The following RAB23 variants were observed in gnomAD, a reference collection of about 807,000 sequenced individuals.
RAB23 encodes the protein RAB23, member RAS oncogene family.
In RAB23, 15 loss-of-function variants were observed where a neutral mutation model predicts 30.0. The ratio of observed to expected loss-of-function variants is 0.50; its 90% CI spans 0.33 to 0.77. RAB23 has a LOEUF of 0.77. RAB23 is among the 30% of genes least tolerant of loss of function. The pLI is 0.02. For synonymous variants in RAB23, 93 were observed against 94.0 expected (o/e 0.99, Z 0.06); for missense variants, 243 against 275.4 (o/e 0.88, Z 0.83).
At chr6:57,217,940 C>T (rs561528774) in intron 1 of RAB23, among the ~76,000 whole-genome samples, 59 of 152,212 alleles carry the variant, frequency 3.9e-4, no homozygotes, top group African/African-American at 1.3e-3. Flanking sequence ...AAAAGGATAA[C>T]GTAACAACCC....
chr6:57,205,524 T>C (rs1272162078), intron 3 of RAB23, among the ~76,000 whole-genome samples: 3 of 152,042 alleles, frequency 2.0e-5, no homozygotes, highest in African/African-American at 7.2e-5. Context: ...AAAATAAATA[T>C]GCAAATGCTA....
chr6:57,187,011 T>TTA lies in RAB23; in HGVS notation c.*3448_*3449dup, dbSNP rs1383843381. The TTA allele has an allele frequency of 1.3e-5, 2 of 152,202 alleles. No homozygotes were observed. The highest frequency in any genetic ancestry group is 4.8e-5 in the African/African-American group (2 of 41,466). The allele number at this position is 152,202 out of a possible 1,614,324, so 9.4% of individuals were successfully genotyped here. A position where few individuals can be genotyped will look rare whatever the true frequency, so the allele number is the denominator to read the frequency against. On this transcript the variant is annotated 3_prime_UTR_variant, in exon 7 of 7. Coordinates refer to ENST00000468148, the MANE Select transcript of RAB23 (RefSeq NM_016277.5). Reference sequence around the variant, plus strand: ...ACAAAATTTTAGCTTTGAAATGCATTTATTTTCTGATTATTGGAATTCATC... The same window carrying TTA: ...ACAAAATTTTAGCTTTGAAATGCATTTATATTTTCTGATTATTGGAATTCATC...
At chr6:57,216,704 GT>G (rs1286074062) in intron 1 of RAB23, among the ~76,000 whole-genome samples, 10 of 148,986 alleles carry the variant, frequency 6.7e-5, no homozygotes, top group Non-Finnish European at 7.5e-5. Context: ...TATTTTTATG[GT>G]TTTTTTTTTA....
intron 3 of RAB23, among the ~76,000 whole-genome samples, chr6:57,201,123 G>A (rs180777255): frequency 3.5e-5 from 5 of 144,904 alleles, no homozygotes; most frequent in South Asian, 2.2e-4. Flanking sequence ...TTGCTCTGTC[G>A]CCCAGGCTGG....
intron 6 of RAB23, among the ~76,000 whole-genome samples, chr6:57,191,611 G>A (rs1359251974): frequency 2.6e-5 from 4 of 151,470 alleles, no homozygotes; most frequent in African/African-American, 4.9e-5. Flanking sequence ...CGCCACGCCC[G>A]GCTAATTTTT....
At position 57,190,380 on chromosome 6, in the gene RAB23, C is replaced by A. The variant is rs1304531152; in HGVS notation, c.*81G>T. On this transcript the variant is annotated 3_prime_UTR_variant, in exon 7 of 7. Transcript: ENST00000468148. Reference sequence around the variant, plus strand: ...CATTAGGAGCAAAGTCTGCTGAAAACCTTGTAACATACCATGACAGCTGGA... The same window carrying A: ...CATTAGGAGCAAAGTCTGCTGAAAAACTTGTAACATACCATGACAGCTGGA... 1.2e-5 allele frequency: 19 copies of A among 1,540,642 alleles called. No individual in the cohort carries two copies. The highest frequency in any genetic ancestry group is 1.6e-5 in the Non-Finnish European group (18 of 1,116,624).
At chr6:57,220,760 G>A (rs992194887) in intron 1 of RAB23, among the ~76,000 whole-genome samples, 2 of 151,828 alleles carry the variant, frequency 1.3e-5, no homozygotes, top group South Asian at 2.1e-4. Context: ...GCGGGGGAGC[G>A]ATAGATTTGT....
rs1028864875 is a variant in RAB23 at position 57,188,363 on chromosome 6, A to T, written c.*2098T>A. The T allele has an allele frequency of 1.3e-5, 2 of 152,252 alleles. No individual in the cohort carries two copies. The highest frequency in any genetic ancestry group is 2.4e-5 in the African/African-American group (1 of 41,578). The allele number at this position is 152,252 out of a possible 1,614,324, so 9.4% of individuals were successfully genotyped here. A position where few individuals can be genotyped will look rare whatever the true frequency, so the allele number is the denominator to read the frequency against. ...AAAGCTCTCTCTTCAGTTCTTATTT[A>T]AAAAAAGATAAAACTAGGTACATAA... On this transcript the variant is annotated 3_prime_UTR_variant, in exon 7 of 7. Transcript: ENST00000468148.
chr6:57,198,423 A>G (rs985071791), intron 3 of RAB23, among the ~76,000 whole-genome samples: 1 of 152,186 alleles, frequency 6.6e-6, no homozygotes, highest in Admixed American at 6.5e-5. Context: ...CTGAGGCAGG[A>G]GAATGGCATG....
At chr6:57,213,217 A>G (rs181444852) in intron 1 of RAB23, among the ~76,000 whole-genome samples, 2 of 152,264 alleles carry the variant, frequency 1.3e-5, no homozygotes, top group East Asian at 3.9e-4. Flanking sequence ...CAGGAGGCGG[A>G]GCTCAGGCGG....
At chr6:57,213,777 T>C (rs569880696) in intron 1 of RAB23, among the ~76,000 whole-genome samples, 14 of 152,186 alleles carry the variant, frequency 9.2e-5, no homozygotes, top group East Asian at 7.7e-4. Flanking sequence ...GACTGGATTA[T>C]AGAGAAGCTA....
At chr6:57,217,433 C>T (rs551589719) in intron 1 of RAB23, among the ~76,000 whole-genome samples, 22 of 152,156 alleles carry the variant, frequency 1.4e-4, no homozygotes, top group Admixed American at 4.6e-4. Context: ...CTCAGCCTCC[C>T]GAGTAGGTGG....
At chr6:57,191,529 A>G (rs1764841374) in intron 6 of RAB23, among the ~76,000 whole-genome samples, 1 of 151,994 alleles carries the variant, frequency 6.6e-6, no homozygotes, top group Admixed American at 6.6e-5. Flanking sequence ...GGCTCACCGC[A>G]ACTTCCGCCT....
intron 1 of RAB23, among the ~76,000 whole-genome samples, chr6:57,214,095 C>T (rs900089684): frequency 1.3e-5 from 2 of 152,058 alleles, no homozygotes; most frequent in Non-Finnish European, 2.9e-5. Context: ...TCCACCAATT[C>T]AGTCATCCCT....
Position 57,194,775 on chromosome 6 carries a change from T to G in RAB23, c.476A>C (p.Asn159Thr). The G allele has an allele frequency of 1.2e-6, 2 of 1,609,684 alleles. No individual in the cohort carries two copies. The highest frequency in any genetic ancestry group is 1.7e-6 in the Non-Finnish European group (2 of 1,176,502). ...ATCCTTTAAAGGTAATTTACCTTCATTCACATTTAGATCTTCTTTCACTGA... is the reference window on the plus strand; with the variant it reads ...ATCCTTTAAAGGTAATTTACCTTCAGTCACATTTAGATCTTCTTTCACTGA... ...RTSVKEDLNV[N>T]EVFKYLAEKY... Residue 159 changes from asparagine to threonine, a missense_variant, in exon 5 of 7, where the codon AAT (asparagine) becomes ACT (threonine). Asn to Thr is a moderately conservative substitution (Grantham distance 65). Transcript: ENST00000468148.
At chr6:57,217,376 A>G (rs1765887342) in intron 1 of RAB23, among the ~76,000 whole-genome samples, 1 of 152,150 alleles carries the variant, frequency 6.6e-6, no homozygotes, top group African/African-American at 2.4e-5. Flanking sequence ...CAGTGGCCTG[A>G]TCTCGGCTCA....
At chr6:57,210,074 A>G (rs1384456518) in intron 2 of RAB23, 152 bp downstream of exon 2, 6 of 767,766 alleles carry the variant, frequency 7.8e-6, no homozygotes, top group Non-Finnish European at 1.1e-5. Flanking sequence ...ATAAAGTTAC[A>G]TATGTCATGA....
chr6:57,199,230 G>C (rs1198663991), intron 3 of RAB23, among the ~76,000 whole-genome samples: 1 of 152,196 alleles, frequency 6.6e-6, no homozygotes, highest in East Asian at 1.9e-4. Flanking sequence ...CATCCCCCAA[G>C]GGGGAAGTGA....
chr6:57,214,341 G>C (rs546497937), intron 1 of RAB23, among the ~76,000 whole-genome samples: 1 of 152,068 alleles, frequency 6.6e-6, no homozygotes, highest in African/African-American at 2.4e-5. Context: ...TTTAGACAGT[G>C]TCTCATTCTA....
Sources: allele counts gnomAD v4.1 joint callset (sites outside exome capture counted in the v4.1 genomes callset), GRCh38; gene constraint gnomAD v4.1.1; transcripts MANE v1.5; gene names NCBI Gene and HGNC (gene_info 2026-07-23, HGNC 2026-07-21).